The following AKAP13 variants were observed in gnomAD, a reference collection of about 807,000 sequenced individuals.
AKAP13 encodes A-kinase anchor protein 13.
Under a neutral mutation model 264.5 loss-of-function variants are expected in AKAP13, and 80 were observed. That is an observed-to-expected ratio of 0.30 (90% CI 0.25 to 0.36). AKAP13 has a LOEUF of 0.36. Ranked by LOEUF, AKAP13 falls within the 10% of genes least tolerant of loss-of-function variation. AKAP13 has a pLI of 1.00. For synonymous variants in AKAP13, 1,380 were observed against 1,250.2 expected, an observed-to-expected ratio of 1.10 and a Z score of -2.19; for missense variants, 3,712 against 3,435.2, an observed-to-expected ratio of 1.08 and a Z score of -2.01.
chr15:85,411,639 G>A (rs1018130043), intron 1 of AKAP13, among the ~76,000 whole-genome samples: 1 of 152,054 alleles, frequency 6.6e-6, no homozygotes, highest in Middle Eastern at 3.2e-3. Context: ...GGGTTTCACC[G>A]TGTTACCCAG....
At chr15:85,438,915 C>A in intron 1 of AKAP13, among the ~76,000 whole-genome samples, 1 of 146,258 alleles carries the variant, frequency 6.8e-6, no homozygotes. Context: ...TGGGCAAGGA[C>A]TTCATGTCCA....
At chr15:85,684,948 G>T in intron 16 of AKAP13, 75 bp downstream of exon 16, 1 of 1,480,972 alleles carries the variant, frequency 6.8e-7, no homozygotes, top group South Asian at 1.4e-5. Context: ...CACCAAAACT[G>T]GTTAAATCAT....
chr15:85,556,557 C>G (rs1016321242), intron 5 of AKAP13, among the ~76,000 whole-genome samples: 5 of 152,204 alleles, frequency 3.3e-5, no homozygotes, highest in African/African-American at 1.2e-4. Context: ...TTTCTCACCC[C>G]TCCAAGAATA....
At chr15:85,459,309 C>T (rs1012331338) in intron 1 of AKAP13, among the ~76,000 whole-genome samples, 75 of 151,450 alleles carry the variant, frequency 5.0e-4, no homozygotes, top group Admixed American at 8.5e-4. Context: ...CCTCAGCCTC[C>T]GGCATAGCTG....
chr15:85,514,936 T>C (rs551904786), intron 2 of AKAP13, among the ~76,000 whole-genome samples: 1 of 136,974 alleles, frequency 7.3e-6, no homozygotes, highest in Admixed American at 7.4e-5. Context: ...CTTAACTCTC[T>C]TGTTTCACTT....
chr15:85,696,679 C>T (rs978314997), intron 17 of AKAP13, among the ~76,000 whole-genome samples: 3 of 152,126 alleles, frequency 2.0e-5, no homozygotes, highest in Non-Finnish European at 2.9e-5. Flanking sequence ...TACCTGCCTT[C>T]TGCTATAAAA....
At chr15:85,614,760 T>G (rs767774525) in intron 8 of AKAP13, among the ~76,000 whole-genome samples, 2 of 152,222 alleles carry the variant, frequency 1.3e-5, no homozygotes, top group Non-Finnish European at 2.9e-5. Flanking sequence ...CTGTGTGATG[T>G]TATATAACTG....
At chr15:85,572,844 G>A (rs1435814608) in intron 5 of AKAP13, among the ~76,000 whole-genome samples, 4 of 151,960 alleles carry the variant, frequency 2.6e-5, no homozygotes, top group African/African-American at 4.8e-5. Flanking sequence ...GACCGACCCC[G>A]GTGTGTGATG....
chr15:85,717,508 A>G, intron 21 of AKAP13, 106 bp downstream of exon 21: 1 of 777,316 alleles, frequency 1.3e-6, no homozygotes, highest in Non-Finnish European at 2.1e-6. Context: ...CCTCTTCTGT[A>G]TCCCGTGAAG....
chr15:85,734,845 T>C (rs1029594574), intron 30 of AKAP13, 147 bp from the exon 31 acceptor site: 1 of 1,062,874 alleles, frequency 9.4e-7, no homozygotes, highest in Non-Finnish European at 1.3e-6. Context: ...TACCCTGAGC[T>C]GAGACCCTTC....
chr15:85,440,192 A>G (rs540072741), intron 1 of AKAP13, among the ~76,000 whole-genome samples: 7 of 152,226 alleles, frequency 4.6e-5, no homozygotes, highest in Non-Finnish European at 1.0e-4. Flanking sequence ...CCCTTCCTCT[A>G]AGCACACACA....
intron 2 of AKAP13, among the ~76,000 whole-genome samples, chr15:85,497,137 G>A (rs2075893270): frequency 6.6e-6 from 1 of 152,180 alleles, no homozygotes; most frequent in Admixed American, 6.5e-5. Flanking sequence ...TTTGGTACTA[G>A]TGAAGAGGAG....
At chr15:85,417,541 C>G (rs891789998) in intron 1 of AKAP13, among the ~76,000 whole-genome samples, 2 of 152,152 alleles carry the variant, frequency 1.3e-5, no homozygotes, top group Non-Finnish European at 2.9e-5. Flanking sequence ...GGAAATGTTG[C>G]AATGTAATGA....
At chr15:85,634,840 CTTT>C (rs34893286) in intron 8 of AKAP13, among the ~76,000 whole-genome samples, 9 of 142,878 alleles carry the variant, frequency 6.3e-5, no homozygotes, top group African/African-American at 2.3e-4. Context: ...TTGAGTCTGG[CTTT>C]TTTTTTTTTT....
At chr15:85,613,752 A>G (rs931893548) in intron 8 of AKAP13, among the ~76,000 whole-genome samples, 1 of 145,012 alleles carries the variant, frequency 6.9e-6, no homozygotes, top group Non-Finnish European at 1.5e-5. Context: ...CTACCAGGGG[A>G]GGCTTTTAGT....
At chr15:85,715,636 G>A in intron 19 of AKAP13, 152 bp from the exon 20 acceptor site, 1 of 935,814 alleles carries the variant, frequency 1.1e-6, no homozygotes, top group Non-Finnish European at 1.5e-6. Flanking sequence ...GCTTCAGTTA[G>A]TGTCCTCTCC....
chr15:85,741,716 A>C (rs1287147298), intron 35 of AKAP13, among the ~76,000 whole-genome samples: 1,833 of 78,416 alleles, frequency 0.023, 52 homozygotes, highest in African/African-American at 0.085. Flanking sequence ...AAAAAAAAAA[A>C]CAAACAAACA....
chr15:85,487,410 CT>C (rs1423183919), intron 2 of AKAP13, among the ~76,000 whole-genome samples: 3 of 152,142 alleles, frequency 2.0e-5, no homozygotes, highest in Admixed American at 6.5e-5. Context: ...TCACAGGAAT[CT>C]TTTGTTAAAT....
chr15:85,649,522 T>G (rs1296577306), intron 10 of AKAP13, among the ~76,000 whole-genome samples: 1 of 152,196 alleles, frequency 6.6e-6, no homozygotes, highest in African/African-American at 2.4e-5. Context: ...GGCGAGACAT[T>G]GCAACATCTT....
Sources: gnomAD v4.1 joint callset for allele counts (sites outside exome capture counted in the v4.1 genomes callset) on GRCh38, gnomAD v4.1.1 for gene constraint, MANE v1.5 for transcripts, NCBI Gene and HGNC (gene_info 2026-07-23, HGNC 2026-07-21) for gene names.